POLE2: variants seen among roughly 807,000 people sequenced by gnomAD.
POLE2 encodes the protein DNA polymerase epsilon subunit 2.
POLE2 carries 56 observed loss-of-function variants against 79.4 expected under a neutral mutation model. The ratio of observed to expected loss-of-function variants is 0.71; its 90% CI spans 0.57 to 0.88. The LOEUF is 0.88. Among genes scored for constraint, POLE2 ranks in the 40% least tolerant of loss-of-function variants. The pLI, the probability that POLE2 is intolerant of heterozygous loss-of-function variation, is 0.00. For missense variants in POLE2, 598 were observed against 638.9 expected (o/e 0.94, Z 0.69); for synonymous variants, 212 against 214.0 (o/e 0.99, Z 0.08).
chr14:49,681,174 A>G (rs962579626), intron 2 of POLE2: 2 of 155,184 alleles, frequency 1.3e-5, no homozygotes, highest in African/African-American at 4.8e-5. Flanking sequence ...TATAAATATC[A>G]GACTTTTTTT....
rs1465669017 is a variant in POLE2 at position 49,688,123 on chromosome 14, C to G, written c.68+13G>C. 7.1e-6 allele frequency: 11 copies of G among 1,548,796 alleles called. No homozygotes were observed. The South Asian group carries it at 9.4e-5, about 13-fold the overall frequency. On this transcript the variant is annotated intron_variant, in intron 1 of 18. Coordinates refer to ENST00000216367, the MANE Select transcript of POLE2 (RefSeq NM_002692.4). ...CTTCCCTCTCGCCCTTCAAGCTGCC[C>G]GAGCCCACTCACCCACGGAGCAGCA... is the stretch of plus-strand genomic sequence containing the variant.
chr14:49,672,923 T>C (rs552867665), intron 5 of POLE2, among the ~76,000 whole-genome samples: 92 of 152,346 alleles, frequency 6.0e-4, no homozygotes, highest in African/African-American at 2.1e-3. Flanking sequence ...TAGCTCCAGA[T>C]GTACACTTCA....
intron 10 of POLE2, among the ~76,000 whole-genome samples, chr14:49,661,232 A>G (rs934690766): frequency 1.3e-5 from 2 of 152,112 alleles, no homozygotes; most frequent in Non-Finnish European, 2.9e-5. Context: ...AACTAAACTG[A>G]TATCTACTGC....
chr14:49,666,477 T>A (rs934311255), intron 6 of POLE2, 64 bp from the exon 7 acceptor site: 8 of 617,934 alleles, frequency 1.3e-5, no homozygotes, highest in Non-Finnish European at 2.1e-5. Flanking sequence ...CAAAACTTTT[T>A]ATAAATAACT....
At chr14:49,663,272 T>A (rs757345656) in intron 10 of POLE2, 43 bp downstream of exon 10, 1 of 975,216 alleles carries the variant, frequency 1.0e-6, no homozygotes, top group African/African-American at 1.6e-5. Flanking sequence ...CTCCTGCCAG[T>A]ATTACCAAAT....
At chr14:49,688,108 G>C (rs1378510550) in intron 1 of POLE2, 28 bp downstream of exon 1, 6 of 1,523,418 alleles carry the variant, frequency 3.9e-6, no homozygotes, top group East Asian at 5.1e-5. Flanking sequence ...CTTCCCTCTC[G>C]CCCTTCAAGC....
chr14:49,657,077 C>T (rs1379935540), intron 10 of POLE2, among the ~76,000 whole-genome samples: 1 of 150,052 alleles, frequency 6.7e-6, no homozygotes, highest in East Asian at 2.0e-4. Context: ...CATGCCACTG[C>T]ACTCCAGCTT....
chr14:49,645,410 G>A (rs1225142722), intron 18 of POLE2, among the ~76,000 whole-genome samples: 1 of 152,164 alleles, frequency 6.6e-6, no homozygotes, highest in Non-Finnish European at 1.5e-5. Flanking sequence ...GAAACTAAGT[G>A]GCAAGAAGGC....
chr14:49,679,868 C>A, intron 2 of POLE2, 68 bp from the exon 3 acceptor site: 3 of 846,404 alleles, frequency 3.5e-6, no homozygotes, highest in South Asian at 3.0e-5. Context: ...ACAGACAGCT[C>A]TTTTCCCAAA....
rs528680962 is a variant in POLE2, at chr14:49,683,358, C to T, written c.169+235G>A. Among the ~76,000 whole-genome samples the T allele has an allele frequency of 1.2e-4, 18 of 151,330 alleles. No individual in the cohort carries two copies. The South Asian group carries it at 2.9e-3, about 25-fold the overall frequency. On this transcript the variant is annotated intron_variant, in intron 2 of 18. Transcript: ENST00000216367. ...TGGGGGTTGCAGTGAGCCAAGATAG[C>T]GCCATTGCACTCCAGCCTGGGCAAC...
intron 5 of POLE2, among the ~76,000 whole-genome samples, chr14:49,670,650 A>T (rs891226089): frequency 6.6e-6 from 1 of 152,204 alleles, no homozygotes; most frequent in East Asian, 1.9e-4. Context: ...CAGATTCAAG[A>T]CTTTTGCTAG....
intron 10 of POLE2, among the ~76,000 whole-genome samples, chr14:49,661,814 G>A (rs997238269): frequency 2.0e-5 from 3 of 151,998 alleles, no homozygotes; most frequent in African/African-American, 7.3e-5. Flanking sequence ...TTATTTTAAT[G>A]TACTTTATTA....
intron 10 of POLE2, among the ~76,000 whole-genome samples, chr14:49,661,060 A>G (rs1885066816): frequency 6.6e-6 from 1 of 152,122 alleles, no homozygotes; most frequent in African/African-American, 2.4e-5. Context: ...AGCTGGGACT[A>G]CAACCGCATG....
At chr14:49,651,476 C>T (rs1460410365) in intron 15 of POLE2, 99 bp from the exon 16 acceptor site, 2 of 546,008 alleles carry the variant, frequency 3.7e-6, no homozygotes, top group African/African-American at 3.8e-5. Context: ...CCCACATTCA[C>T]TGTTCACCAC....
chr14:49,685,597 T>G (rs1006246219), intron 1 of POLE2, among the ~76,000 whole-genome samples: 2 of 151,994 alleles, frequency 1.3e-5, no homozygotes, highest in Non-Finnish European at 2.9e-5. Flanking sequence ...CTCCACCTAG[T>G]CAGGTCCTGT....
At chr14:49,674,296 T>A in intron 4 of POLE2, 54 bp downstream of exon 4, 1 of 1,466,354 alleles carries the variant, frequency 6.8e-7, no homozygotes, top group Admixed American at 1.7e-5. Flanking sequence ...CTATACCTTC[T>A]GAAAAAAAAA....
intron 3 of POLE2, chr14:49,677,257 G>A (rs1034461708): frequency 1.5e-6 from 1 of 653,066 alleles, no homozygotes; most frequent in Non-Finnish European, 2.8e-6. Context: ...TGCTAAGCAT[G>A]AGGCCCAGCT....
At chr14:49,650,472 C>A (rs774407990) in intron 16 of POLE2, 31 bp from the exon 17 acceptor site, 6 of 1,348,738 alleles carry the variant, frequency 4.4e-6, no homozygotes, top group Non-Finnish European at 5.8e-6. Context: ...AAGCAAACTT[C>A]AGTTCATTTG....
Position 49,676,011 on chromosome 14 carries a change from C to CA in POLE2, c.246-1585dup, listed in dbSNP as rs1291056367. Among the ~76,000 whole-genome samples the CA allele has an allele frequency of 2.0e-5, 3 of 152,156 alleles. No homozygotes were observed. The East Asian group carries it at 5.8e-4, about 29-fold the overall frequency. On this transcript the variant is annotated intron_variant, in intron 3 of 18. Transcript: ENST00000216367. ...TCATGAGCTGCCTGCCTTGGCCTCC[C>CA]AAAGTGCTGGGATTACAGGCCTGAG...
Sources: gnomAD v4.1 joint callset for allele counts (sites outside exome capture counted in the v4.1 genomes callset) on GRCh38, gnomAD v4.1.1 for gene constraint, MANE v1.5 for transcripts, NCBI Gene and HGNC (gene_info 2026-07-23, HGNC 2026-07-21) for gene names.